The following TTLL5 variants were observed in gnomAD, a reference collection of about 807,000 sequenced individuals.
TTLL5 encodes the protein tubulin polyglutamylase TTLL5.
TTLL5 carries 132 observed loss-of-function variants against 168.4 expected under a neutral mutation model. The observed-to-expected ratio is 0.78, with a 90% CI of 0.68 to 0.91. TTLL5 has a LOEUF of 0.91. Ranked by LOEUF, TTLL5 falls within the 40% of genes least tolerant of loss-of-function variation. The pLI, the probability that TTLL5 is intolerant of heterozygous loss-of-function variation, is 0.00. For missense variants in TTLL5, 1,545 were observed against 1,581.5 expected (o/e 0.98, Z 0.39); for synonymous variants, 546 against 558.6 (o/e 0.98, Z 0.32).
intron 18 of TTLL5, among the ~76,000 whole-genome samples, chr14:75,755,277 ATAATAAT>A (rs1566589602): frequency 6.1e-5 from 9 of 148,048 alleles, no homozygotes; most frequent in East Asian, 5.9e-4. Context: ...AAAAATAATA[ATAATAAT>A]AATAATAATA....
chr14:75,723,126 T>C (rs1887948889), intron 12 of TTLL5, among the ~76,000 whole-genome samples: 1 of 151,894 alleles, frequency 6.6e-6, no homozygotes. Context: ...ATGGCAGCAC[T>C]TTTTTTTAAA....
At chr14:75,899,938 C>CT (rs34675657) in intron 30 of TTLL5, among the ~76,000 whole-genome samples, 58 of 144,140 alleles carry the variant, frequency 4.0e-4, no homozygotes, top group African/African-American at 7.7e-4. Flanking sequence ...GGCTTCTTCC[C>CT]TTTTTTTTTT....
At chr14:75,873,074 CTTT>C (rs71119401) in intron 29 of TTLL5, among the ~76,000 whole-genome samples, 15 of 110,330 alleles carry the variant, frequency 1.4e-4, no homozygotes, top group Admixed American at 3.7e-4. Context: ...ATCTCCAGAA[CTTT>C]TTTTTTTTTT....
intron 28 of TTLL5, among the ~76,000 whole-genome samples, chr14:75,853,642 AC>A (rs1896987172): frequency 6.6e-6 from 1 of 152,256 alleles, no homozygotes; most frequent in Non-Finnish European, 1.5e-5. Context: ...AATTATAAAA[AC>A]AGGAAATAAT....
chr14:75,712,077 T>C (rs914342504), intron 9 of TTLL5: 2 of 152,258 alleles, frequency 1.3e-5, no homozygotes, highest in Admixed American at 1.3e-4. Context: ...GGGATCAGGC[T>C]GGTAATCCCC....
At position 75,690,304 on chromosome 14, in the gene TTLL5, G is replaced by C; in HGVS notation, c.484G>C (p.Glu162Gln). The C allele has an allele frequency of 6.2e-7, 1 of 1,607,516 alleles. No individual in the cohort carries two copies. Among genetic ancestry groups the C allele is most frequent in the Non-Finnish European group, 8.5e-7 (1 of 1,177,576 alleles). ...ILPQTFLLPA[E>Q]YAEFCNSYSK... Reference sequence around the variant, plus strand: ...CCCCCAGACCTTCCTCCTGCCAGCTGAGTACGCGGAATTTTGTAGTAAGTG... The same window carrying C: ...CCCCCAGACCTTCCTCCTGCCAGCTCAGTACGCGGAATTTTGTAGTAAGTG... The change falls in exon 6 of 32, where the codon GAG (glutamate) becomes CAG (glutamine). Residue 162 changes from glutamate to glutamine, a missense_variant. Transcript: ENST00000298832.
chr14:75,717,615 C>T (rs1413914093), intron 9 of TTLL5, among the ~76,000 whole-genome samples: 1 of 152,164 alleles, frequency 6.6e-6, no homozygotes, highest in African/African-American at 2.4e-5. Flanking sequence ...TAATAGACCA[C>T]ATTTAGTTTT....
intron 29 of TTLL5, among the ~76,000 whole-genome samples, chr14:75,876,965 A>G (rs372447754): frequency 4.5e-4 from 69 of 152,314 alleles, no homozygotes; most frequent in African/African-American, 1.6e-3. Flanking sequence ...TACCTTCTCA[A>G]TAGTTTAGCT....
chr14:75,775,349 G>T, intron 21 of TTLL5, 135 bp from the exon 22 acceptor site: 2 of 1,006,084 alleles, frequency 2.0e-6, no homozygotes, highest in Non-Finnish European at 1.4e-6. Flanking sequence ...TAACCTTTTT[G>T]TTCTGGGTCT....
chr14:75,704,197 A>G (rs1326181601), intron 7 of TTLL5, among the ~76,000 whole-genome samples: 1 of 152,188 alleles, frequency 6.6e-6, no homozygotes, highest in Non-Finnish European at 1.5e-5. Flanking sequence ...TCTCCTTTAC[A>G]ATGACTTAAC....
chr14:75,773,323 A>G (rs1009583730), intron 21 of TTLL5, among the ~76,000 whole-genome samples: 3 of 152,222 alleles, frequency 2.0e-5, no homozygotes, highest in African/African-American at 7.2e-5. Flanking sequence ...GTTTTAATAT[A>G]ACAGCTTAAA....
At chr14:75,730,462 T>TACA (rs1888462094) in intron 12 of TTLL5, among the ~76,000 whole-genome samples, 1 of 152,092 alleles carries the variant, frequency 6.6e-6, no homozygotes. Flanking sequence ...CAAACTCTTG[T>TACA]ATAGTTTGTG....
At chr14:75,672,969 C>T (rs546833461) in intron 3 of TTLL5, among the ~76,000 whole-genome samples, 2 of 152,162 alleles carry the variant, frequency 1.3e-5, no homozygotes, top group African/African-American at 2.4e-5. Flanking sequence ...GACAAAGTCT[C>T]ACTCTGTCAC....
At chr14:75,770,413 C>G (rs1326113766) in intron 20 of TTLL5, among the ~76,000 whole-genome samples, 1 of 152,138 alleles carries the variant, frequency 6.6e-6, no homozygotes, top group South Asian at 2.1e-4. Flanking sequence ...AGATGTGCAG[C>G]TTACTTTAGC....
chr14:75,670,028 G>A (rs1178685598), intron 3 of TTLL5, among the ~76,000 whole-genome samples: 4 of 151,990 alleles, frequency 2.6e-5, no homozygotes, highest in African/African-American at 9.7e-5. Flanking sequence ...TTTTTTGGCA[G>A]GCTTCTTTTC....
intron 20 of TTLL5, 108 bp from the exon 21 acceptor site, chr14:75,771,626 G>T: frequency 6.8e-7 from 1 of 1,476,560 alleles, no homozygotes; most frequent in Admixed American, 2.0e-5. Flanking sequence ...ATATTTCTTA[G>T]CCATCATAAT....
chr14:75,695,490 C>T (rs1382977899), intron 6 of TTLL5, among the ~76,000 whole-genome samples: 2 of 152,164 alleles, frequency 1.3e-5, no homozygotes, highest in African/African-American at 4.8e-5. Context: ...CTCTGTGACC[C>T]ACACCCTATT....
intron 30 of TTLL5, 130 bp downstream of exon 30, chr14:75,883,032 G>A: frequency 1.9e-6 from 2 of 1,026,716 alleles, no homozygotes; most frequent in South Asian, 3.5e-5. Flanking sequence ...GGAAATAAAG[G>A]CTAACCCTAG....
chr14:75,917,548 A>C (rs971738749), intron 31 of TTLL5, among the ~76,000 whole-genome samples: 8 of 152,292 alleles, frequency 5.3e-5, no homozygotes, highest in African/African-American at 1.9e-4. Context: ...GCCTGGCAGT[A>C]GGGGGGCATG....
Sources: gnomAD v4.1 joint callset for allele counts (sites outside exome capture counted in the v4.1 genomes callset) on GRCh38, gnomAD v4.1.1 for gene constraint, MANE v1.5 for transcripts, NCBI Gene and HGNC (gene_info 2026-07-23, HGNC 2026-07-21) for gene names.